HIKESHI: variants seen among roughly 807,000 people sequenced by gnomAD.
HIKESHI encodes protein Hikeshi.
A neutral mutation model predicts 25.7 loss-of-function variants in HIKESHI; 13 were observed. The ratio of observed to expected loss-of-function variants is 0.51; its 90% CI spans 0.33 to 0.80. The LOEUF (loss-of-function observed/expected upper bound fraction) is 0.80, where lower values mean the gene tolerates loss of function less well. Ranked by LOEUF, HIKESHI falls within the 30% of genes least tolerant of loss-of-function variation. The pLI is 0.02. For synonymous variants in HIKESHI, 76 were observed against 78.7 expected (o/e 0.97, Z 0.18); for missense variants, 174 against 229.5 (o/e 0.76, Z 1.56).
intron 2 of HIKESHI, chr11:86,326,640 A>G (rs1430315347): frequency 1.1e-5 from 5 of 440,734 alleles, no homozygotes; most frequent in African/African-American, 2.0e-5. Flanking sequence ...GAATCTCTCT[A>G]TGGAAGATTA....
At chr11:86,310,261 CTCCTTGAAGAGA>C (rs1946798798) in intron 2 of HIKESHI, among the ~76,000 whole-genome samples, 1 of 149,404 alleles carries the variant, frequency 6.7e-6, no homozygotes, top group Non-Finnish European at 1.5e-5. Context: ...GTTTCTAGTT[CTCCTTGAAGAGA>C]TCCTTCACAT....
At chr11:86,317,662 T>G (rs1947024492) in intron 2 of HIKESHI, among the ~76,000 whole-genome samples, 1 of 151,736 alleles carries the variant, frequency 6.6e-6, no homozygotes, top group Admixed American at 6.6e-5. Context: ...AAAAATTAGC[T>G]TGGTGTGGTG....
intron 3 of HIKESHI, among the ~76,000 whole-genome samples, chr11:86,340,934 C>T (rs925139278): frequency 1.3e-4 from 20 of 152,210 alleles, no homozygotes; most frequent in African/African-American, 4.6e-4. Flanking sequence ...TGAGCCATCA[C>T]GCCCAGCCTC....
chr11:86,313,467 G>C (rs1946889287), intron 2 of HIKESHI, among the ~76,000 whole-genome samples: 1 of 152,050 alleles, frequency 6.6e-6, no homozygotes, highest in Non-Finnish European at 1.5e-5. Flanking sequence ...CCTGACCTTA[G>C]GTGATCCACC....
intron 2 of HIKESHI, among the ~76,000 whole-genome samples, chr11:86,314,637 A>G (rs902345160): frequency 7.9e-5 from 12 of 152,136 alleles, no homozygotes; most frequent in Admixed American, 5.9e-4. Flanking sequence ...AAAAAAAAGA[A>G]AGAAAGAAAG....
At chr11:86,320,332 C>T (rs1947115319) in intron 2 of HIKESHI, among the ~76,000 whole-genome samples, 1 of 152,164 alleles carries the variant, frequency 6.6e-6, no homozygotes, top group African/African-American at 2.4e-5. Flanking sequence ...AATCCCAGCA[C>T]TTTGGGAGGC....
At chr11:86,313,621 C>G (rs1946894043) in intron 2 of HIKESHI, among the ~76,000 whole-genome samples, 2 of 152,276 alleles carry the variant, frequency 1.3e-5, no homozygotes, top group Non-Finnish European at 2.9e-5. Context: ...ATTTACCAAA[C>G]ATTTGTGTAT....
rs7924428 is a variant in HIKESHI, at chr11:86,329,768, T to C, written c.269-7611T>C. Among the ~76,000 whole-genome samples the C allele has an allele frequency of 6.4e-3, 979 of 152,230 alleles. 13 individuals are homozygous for C. The highest frequency in any genetic ancestry group is 0.022 in the African/African-American group (900 of 41,576). On this transcript the variant is annotated intron_variant, in intron 2 of 4. Coordinates refer to ENST00000278483, the MANE Select transcript of HIKESHI (RefSeq NM_016401.4). ...ATGAAATGTCTTTTATCTCCAGTAATAATACTGTCTCAAAGTCTGCTTCAT... is the reference window on the plus strand; with the variant it reads ...ATGAAATGTCTTTTATCTCCAGTAACAATACTGTCTCAAAGTCTGCTTCAT...
rs555539520 is a variant in HIKESHI, at chr11:86,313,972, A to G, written c.268+7490A>G. On this transcript the variant is annotated intron_variant, in intron 2 of 4. Coordinates refer to ENST00000278483, the MANE Select transcript of HIKESHI (RefSeq NM_016401.4). ...TGACATCAGGGTATATGTGAGAAAG[A>G]TAGGCATGGATTATGAAGTTTTATG... Among the ~76,000 whole-genome samples, 9 of 152,318 alleles carry G rather than the reference A, an allele frequency of 5.9e-5. No individual in the cohort carries two copies. The East Asian group carries it at 1.7e-3, about 29-fold the overall frequency.
chr11:86,314,921 C>CTGTACTGTAAATAAGTTCCCAAA (rs1946934118), intron 2 of HIKESHI, among the ~76,000 whole-genome samples: 1 of 152,186 alleles, frequency 6.6e-6, no homozygotes, highest in African/African-American at 2.4e-5. Context: ...ATCTAGAAGT[C>CTGTACTGTAAATAAGTTCCCAAA]TGTACTGTAA....
intron 3 of HIKESHI, among the ~76,000 whole-genome samples, 187 bp downstream of exon 3, chr11:86,337,717 G>T (rs1465315184): frequency 6.6e-6 from 1 of 152,136 alleles, no homozygotes; most frequent in Non-Finnish European, 1.5e-5. Flanking sequence ...GAGTGCAGTG[G>T]CGCAATCTCG....
At position 86,302,373 on chromosome 11, in the gene HIKESHI, T is replaced by A. The variant is rs908595839; in HGVS notation, c.-76T>A. On this transcript the variant is annotated 5_prime_UTR_variant, in exon 1 of 5. Transcript: ENST00000278483. Reference sequence around the variant, plus strand: ...CGCAAATTCTGGAAGGTTCTTAGTCTCGACTAGGGCAGTAGCCCCAGGACT... The same window carrying A: ...CGCAAATTCTGGAAGGTTCTTAGTCACGACTAGGGCAGTAGCCCCAGGACT... The A allele has an allele frequency of 3.9e-6, 6 of 1,535,958 alleles. No individual in the cohort carries two copies. In the African/African-American group the frequency reaches 8.2e-5, roughly 21 times the overall value.
At chr11:86,345,412 A>C (rs1021696643) in intron 4 of HIKESHI, 172 bp from the exon 5 acceptor site, 6 of 498,114 alleles carry the variant, frequency 1.2e-5, no homozygotes, top group Non-Finnish European at 2.1e-5. Flanking sequence ...TTAAATTCCT[A>C]TGCTTGCTGT....
intron 2 of HIKESHI, among the ~76,000 whole-genome samples, chr11:86,313,350 A>C (rs1946885841): frequency 6.6e-6 from 1 of 152,030 alleles, no homozygotes; most frequent in Non-Finnish European, 1.5e-5. Context: ...CCTGCCTCAG[A>C]CTGCTGAGTA....
chr11:86,327,849 A>G (rs1042642884), intron 2 of HIKESHI, among the ~76,000 whole-genome samples: 2 of 152,208 alleles, frequency 1.3e-5, no homozygotes, highest in Non-Finnish European at 2.9e-5. Context: ...AGTTTCTAGT[A>G]CTGTATTTCT....
intron 2 of HIKESHI, among the ~76,000 whole-genome samples, chr11:86,319,238 A>ATTTTT (rs1246298090): frequency 2.1e-3 from 178 of 82,950 alleles, no homozygotes; most frequent in East Asian, 7.7e-3. Context: ...ATATATATAT[A>ATTTTT]TATATTTTTT....
At chr11:86,320,324 T>A (rs1456151011) in intron 2 of HIKESHI, among the ~76,000 whole-genome samples, 1 of 152,238 alleles carries the variant, frequency 6.6e-6, no homozygotes, top group Non-Finnish European at 1.5e-5. Flanking sequence ...ACGCCTGTAA[T>A]CCCAGCACTT....
At chr11:86,317,363 C>G (rs1270239068) in intron 2 of HIKESHI, among the ~76,000 whole-genome samples, 12 of 151,762 alleles carry the variant, frequency 7.9e-5, no homozygotes, top group Admixed American at 6.6e-4. Flanking sequence ...AGTGAATGAT[C>G]TAAGTATTTA....
chr11:86,322,862 A>G (rs1171080448), intron 2 of HIKESHI, among the ~76,000 whole-genome samples: 6 of 152,180 alleles, frequency 3.9e-5, no homozygotes, highest in African/African-American at 1.4e-4. Flanking sequence ...AAAATCATGA[A>G]CATATTTTTC....
Sources: allele counts gnomAD v4.1 joint callset (sites outside exome capture counted in the v4.1 genomes callset), GRCh38; gene constraint gnomAD v4.1.1; transcripts MANE v1.5; gene names NCBI Gene and HGNC (gene_info 2026-07-23, HGNC 2026-07-21).